COL5A2: variants seen among roughly 807,000 people sequenced by gnomAD.
The protein encoded by COL5A2 is collagen alpha-2(V) chain.
Under a neutral mutation model 208.2 loss-of-function variants are expected in COL5A2, and 23 were observed. That is an observed-to-expected ratio of 0.11 (90% confidence interval 0.08 to 0.16). The LOEUF (loss-of-function observed/expected upper bound fraction) is 0.16. Ranked by LOEUF, COL5A2 falls within the 10% of genes least tolerant of loss-of-function variation. The probability of loss-of-function intolerance (pLI) is 1.00; values close to 1 mark genes in which losing one functional copy is unlikely to be tolerated. For missense variants in COL5A2, 1,590 were observed against 1,956.4 expected (o/e 0.81, Z 3.53); for synonymous variants, 625 against 628.5 (o/e 0.99, Z 0.08).
At chr2:189,319,913 C>T in the COL5A2 span, among the ~76,000 whole-genome samples, 1 of 152,202 alleles carries the variant, frequency 6.6e-6, no homozygotes, top group East Asian at 1.9e-4. Flanking sequence ...GAGGCACCCC[C>T]CCAGTAGGGG....
chr2:189,218,141 C>T (rs555049058), intron 1 of COL5A2, among the ~76,000 whole-genome samples: 55 of 152,252 alleles, frequency 3.6e-4, no homozygotes, highest in African/African-American at 1.3e-3. Flanking sequence ...ATGAGACTTT[C>T]TAACTAATAA....
At chr2:189,131,516 A>G (rs867596681) in intron 1 of COL5A2, among the ~76,000 whole-genome samples, 3 of 152,280 alleles carry the variant, frequency 2.0e-5, no homozygotes, top group Middle Eastern at 6.8e-3. Context: ...GACAATCAGG[A>G]TATGTTATTG....
At chr2:189,232,293 AT>A in the COL5A2 span, among the ~76,000 whole-genome samples, 2 of 151,420 alleles carry the variant, frequency 1.3e-5, no homozygotes, top group Non-Finnish European at 2.9e-5. Context: ...TCAGACTCAT[AT>A]TTTTTTTCTT....
chr2:189,305,089 C>CTAAT, the COL5A2 span, among the ~76,000 whole-genome samples: 1 of 152,138 alleles, frequency 6.6e-6, no homozygotes, highest in South Asian at 2.1e-4. Context: ...CAATTTTTAA[C>CTAAT]ATTAGACTCC....
chr2:189,086,654 A>C, intron 9 of COL5A2, 72 bp downstream of exon 9: 1 of 1,226,888 alleles, frequency 8.2e-7, no homozygotes, highest in South Asian at 1.3e-5. Context: ...GTCATGTCAC[A>C]GAGACCTTAT....
the COL5A2 span, among the ~76,000 whole-genome samples, chr2:189,285,071 G>GGTGTGTGTGTGTGTGTGT: frequency 3.7e-3 from 514 of 139,780 alleles, 6 homozygotes; most frequent in East Asian, 6.0e-3. Flanking sequence ...GCATGCACAT[G>GGTGTGTGTGTGTGTGTGT]GTGTGTGTGT....
intron 1 of COL5A2, among the ~76,000 whole-genome samples, chr2:189,220,371 G>GA (rs1449070626): frequency 6.6e-6 from 1 of 151,864 alleles, no homozygotes; most frequent in Non-Finnish European, 1.5e-5. Context: ...GTCTTAGTGA[G>GA]AAAATTCTTT....
chr2:189,305,812 T>C, the COL5A2 span, among the ~76,000 whole-genome samples: 1 of 91,316 alleles, frequency 1.1e-5, no homozygotes, highest in African/African-American at 3.2e-5. Context: ...AGATATTCAA[T>C]CTAAAAAAAA....
chr2:189,065,612 C>G (rs577739012), intron 23 of COL5A2, among the ~76,000 whole-genome samples: 1 of 152,248 alleles, frequency 6.6e-6, no homozygotes, highest in South Asian at 2.1e-4. Context: ...AAACTGATAT[C>G]TAGAGATGAG....
the COL5A2 span, among the ~76,000 whole-genome samples, chr2:189,373,897 T>G: frequency 6.6e-6 from 1 of 152,194 alleles, no homozygotes; most frequent in African/African-American, 2.4e-5. Flanking sequence ...TAATCTCCCA[T>G]GTAACTAAGG....
At chr2:189,076,559 A>T (rs1008285370) in intron 16 of COL5A2, among the ~76,000 whole-genome samples, 1 of 152,338 alleles carries the variant, frequency 6.6e-6, no homozygotes, top group African/African-American at 2.4e-5. Flanking sequence ...ATGGTGATAA[A>T]TCACCAAAGT....
chr2:189,038,386 G>A (rs7601063), intron 51 of COL5A2, among the ~76,000 whole-genome samples: 5,173 of 152,210 alleles, frequency 0.034, 81 homozygotes, highest in East Asian at 0.072. Flanking sequence ...GCCACATAAT[G>A]TTCCATCATA....
At chr2:189,192,614 A>G (rs1688944834) in intron 1 of COL5A2, among the ~76,000 whole-genome samples, 1 of 152,236 alleles carries the variant, frequency 6.6e-6, no homozygotes, top group African/African-American at 2.4e-5. Context: ...AGAGTGATTC[A>G]ATACAAATAG....
In COL5A2 at chr2:189,045,123, G is replaced by A. The variant is rs1439762399; in HGVS notation, c.3363+56C>T. ...TATGAATCTTAAATTATACTTCTTT[G>A]GGAGTATATTTTATATAAGAAAACA... On this transcript the variant is annotated intron_variant, in intron 47 of 53. Coordinates refer to ENST00000374866, the MANE Select transcript of COL5A2 (RefSeq NM_000393.5). The A allele has an allele frequency of 3.4e-6, 4 of 1,159,888 alleles. No homozygotes were observed. The African/African-American group carries it at 4.7e-5, about 14-fold the overall frequency. The allele number at this position is 1,159,888 out of a possible 1,614,324, so 71.8% of individuals were successfully genotyped here. A position where few individuals can be genotyped will look rare whatever the true frequency, so the allele number is the denominator to read the frequency against.
At chr2:189,073,355 AT>A (rs1202327061) in intron 17 of COL5A2, among the ~76,000 whole-genome samples, 1 of 152,168 alleles carries the variant, frequency 6.6e-6, no homozygotes, top group Non-Finnish European at 1.5e-5. Context: ...CAATTACTAC[AT>A]TAAAAAATGG....
At chr2:189,200,775 T>A (rs1378851632) in intron 1 of COL5A2, among the ~76,000 whole-genome samples, 1 of 151,266 alleles carries the variant, frequency 6.6e-6, no homozygotes, top group Non-Finnish European at 1.5e-5. Flanking sequence ...ATGAAATTTC[T>A]TATCAGAAAC....
chr2:189,105,015 C>A (rs1205876196), intron 2 of COL5A2, among the ~76,000 whole-genome samples: 2 of 151,580 alleles, frequency 1.3e-5, no homozygotes, highest in Non-Finnish European at 3.0e-5. Flanking sequence ...TGTTTCTAAT[C>A]TTTTGTTATC....
Position 189,098,707 on chromosome 2 carries a change from T to C in COL5A2, c.402+20A>G. ...TCAAGGAATACAAGAGTACCAAGAA[T>C]ATTGGGAGAAACTACTTACTGCCGG... is the stretch of plus-strand genomic sequence containing the variant. On this transcript the variant is annotated intron_variant, in intron 5 of 53. Coordinates refer to ENST00000374866, the MANE Select transcript of COL5A2 (RefSeq NM_000393.5). 6.3e-7 allele frequency: 1 copy of C among 1,593,920 alleles called. No individual in the cohort carries two copies. Among genetic ancestry groups the C allele is most frequent in the Non-Finnish European group, 8.6e-7 (1 of 1,161,710 alleles).
chr2:189,038,897 G>T (rs775022980), intron 51 of COL5A2, among the ~76,000 whole-genome samples: 2 of 151,964 alleles, frequency 1.3e-5, no homozygotes, highest in Non-Finnish European at 2.9e-5. Flanking sequence ...CACCATGTTA[G>T]CCAGGATGGT....
Sources: gnomAD v4.1 joint callset for allele counts (sites outside exome capture counted in the v4.1 genomes callset) on GRCh38, gnomAD v4.1.1 for gene constraint, MANE v1.5 for transcripts, NCBI Gene and HGNC (gene_info 2026-07-23, HGNC 2026-07-21) for gene names.